SEMA6D: variants seen among roughly 807,000 people sequenced by gnomAD.
SEMA6D encodes semaphorin 6D.
Under a neutral mutation model 106.6 loss-of-function variants are expected in SEMA6D, and 35 were observed. The ratio of observed to expected loss-of-function variants is 0.33; its 90% confidence interval spans 0.25 to 0.44. The LOEUF (loss-of-function observed/expected upper bound fraction) is 0.44, where lower values mean the gene tolerates loss of function less well. Ranked by LOEUF, SEMA6D falls within the 20% of genes least tolerant of loss-of-function variation. The pLI, the probability that SEMA6D is intolerant of heterozygous loss-of-function variation, is 1.00. For missense variants in SEMA6D, 1,185 were observed against 1,345.9 expected (o/e 0.88, Z 1.87); for synonymous variants, 499 against 487.7 (o/e 1.02, Z -0.31).
intron 1 of SEMA6D, among the ~76,000 whole-genome samples, chr15:47,754,547 A>G (rs889277627): frequency 3.3e-5 from 5 of 152,160 alleles, no homozygotes; most frequent in African/African-American, 1.2e-4. Context: ...AAGGTAATGT[A>G]TCTTAGTGTG....
chr15:47,409,011 A>G (rs2040693162), intron 1 of SEMA6D, among the ~76,000 whole-genome samples: 1 of 152,228 alleles, frequency 6.6e-6, no homozygotes, highest in South Asian at 2.1e-4. Flanking sequence ...TAAATAGATT[A>G]GTATCACTGA....
chr15:47,324,558 A>G (rs1029670595), intron 1 of SEMA6D, among the ~76,000 whole-genome samples: 1 of 152,016 alleles, frequency 6.6e-6, no homozygotes, highest in African/African-American at 2.4e-5. Flanking sequence ...GCAACAATTT[A>G]TTTAACAATG....
chr15:47,654,708 C>T (rs28453798), intron 4 of SEMA6D, among the ~76,000 whole-genome samples: 5,185 of 152,240 alleles, frequency 0.034, 289 homozygotes, highest in African/African-American at 0.12. Flanking sequence ...CTGTGCGGCT[C>T]CTCCCCCCAC....
At chr15:47,283,683 C>T (rs999559550) in intron 1 of SEMA6D, among the ~76,000 whole-genome samples, 15 of 152,090 alleles carry the variant, frequency 9.9e-5, no homozygotes, top group Non-Finnish European at 1.6e-4. Flanking sequence ...GAGAAATGTC[C>T]AGCTGGAGAC....
chr15:47,300,854 G>C (rs1365227410), intron 1 of SEMA6D, among the ~76,000 whole-genome samples: 1 of 152,208 alleles, frequency 6.6e-6, no homozygotes, highest in Non-Finnish European at 1.5e-5. Context: ...CTCAGTCCAT[G>C]ATGCTGCATC....
chr15:47,239,872 T>C (rs1416612239), intron 1 of SEMA6D, among the ~76,000 whole-genome samples: 1 of 152,214 alleles, frequency 6.6e-6, no homozygotes, highest in Non-Finnish European at 1.5e-5. Context: ...TAATTTGTAT[T>C]GTTGTTGTTA....
At chr15:47,496,467 T>G (rs2043661434) in intron 3 of SEMA6D, among the ~76,000 whole-genome samples, 1 of 152,006 alleles carries the variant, frequency 6.6e-6, no homozygotes, top group Non-Finnish European at 1.5e-5. Flanking sequence ...CTCACCCTCC[T>G]CCCTACATTT....
chr15:47,252,130 G>A (rs923902819), intron 1 of SEMA6D, among the ~76,000 whole-genome samples: 6 of 145,270 alleles, frequency 4.1e-5, no homozygotes, highest in African/African-American at 1.6e-4. Context: ...TGTTAGCCAG[G>A]ATGGTCTCGA....
intron 3 of SEMA6D, among the ~76,000 whole-genome samples, chr15:47,539,048 G>C (rs780919750): frequency 6.6e-6 from 1 of 152,170 alleles, no homozygotes; most frequent in Non-Finnish European, 1.5e-5. Flanking sequence ...TGTGACTTAA[G>C]CTTCAGGGAA....
chr15:47,212,355 C>A (rs541629984), intron 1 of SEMA6D, among the ~76,000 whole-genome samples: 2 of 152,298 alleles, frequency 1.3e-5, no homozygotes, highest in South Asian at 4.1e-4. Context: ...AATTTCACTT[C>A]AGACAGTAAG....
rs564437769 is a variant in SEMA6D at position 47,586,949 on chromosome 15, G to C, written c.-86-13916G>C. 2.1e-5 allele frequency among the ~76,000 whole-genome samples: 3 copies of C among 140,896 alleles called. No homozygotes were observed. The South Asian group carries it at 6.9e-4, about 32-fold the overall frequency. The allele number at this position is 140,896 out of a possible 152,430, so 92.4% of individuals were successfully genotyped here. ...TTTGTCTTCAGCTCTCTTCTCCCCAGGGTGTTTCCAGTGGGCTGGGAAGGC... is the reference window on the plus strand; with the variant it reads ...TTTGTCTTCAGCTCTCTTCTCCCCACGGTGTTTCCAGTGGGCTGGGAAGGC... On this transcript the variant is annotated intron_variant, in intron 3 of 19. Coordinates refer to the SEMA6D transcript ENST00000558014.
At chr15:47,620,940 G>A (rs949130867) in intron 4 of SEMA6D, among the ~76,000 whole-genome samples, 9 of 151,832 alleles carry the variant, frequency 5.9e-5, no homozygotes, top group African/African-American at 1.9e-4. Context: ...TTGACAGCAC[G>A]GAATCCTGCC....
At position 47,365,890 on chromosome 15, in the gene SEMA6D, GGAGA is replaced by G. The variant is rs201368884; in HGVS notation, c.-238-46472_-238-46469del. ...AAAGAAAGAAAGAGAGAGAGAGAGA[GGAGA>G]GAGAGAGAGAGAGAGAGAGAGAGAG... is the stretch of plus-strand genomic sequence containing the variant. On this transcript the variant is annotated intron_variant, in intron 1 of 19. Transcript: ENST00000558014. Among the ~76,000 whole-genome samples the G allele has an allele frequency of 6.3e-3, 749 of 119,784 alleles. 11 individuals carry two copies. Among genetic ancestry groups the G allele is most frequent in the African/African-American group, 0.021 (570 of 27,292 alleles). The allele number at this position is 119,784 out of a possible 152,430, so 78.6% of individuals were successfully genotyped here. A position where few individuals can be genotyped will look rare whatever the true frequency, so the allele number is the denominator to read the frequency against.
At chr15:47,355,407 G>T (rs749003568) in intron 1 of SEMA6D, among the ~76,000 whole-genome samples, 1 of 152,090 alleles carries the variant, frequency 6.6e-6, no homozygotes, top group African/African-American at 2.4e-5. Flanking sequence ...TATTTATAAT[G>T]ATGGTGCCTA....
At chr15:47,681,245 T>A (rs750182372) in intron 4 of SEMA6D, among the ~76,000 whole-genome samples, 4 of 152,212 alleles carry the variant, frequency 2.6e-5, no homozygotes, top group Admixed American at 6.5e-5. Flanking sequence ...AGTATGTACA[T>A]ACATTGAGAT....
intron 3 of SEMA6D, among the ~76,000 whole-genome samples, chr15:47,506,153 C>T (rs548802174): frequency 5.9e-5 from 9 of 152,116 alleles, no homozygotes; most frequent in African/African-American, 1.9e-4. Context: ...TATAACCCTT[C>T]GCTGCTACAA....
At chr15:47,258,825 CCTGA>C (rs1056326936) in intron 1 of SEMA6D, among the ~76,000 whole-genome samples, 15 of 152,008 alleles carry the variant, frequency 9.9e-5, no homozygotes, top group Non-Finnish European at 1.8e-4. Context: ...TCTGGGGACT[CCTGA>C]CTAATATATA....
intron 1 of SEMA6D, among the ~76,000 whole-genome samples, chr15:47,333,930 G>C (rs1283032804): frequency 6.6e-6 from 1 of 152,146 alleles, no homozygotes; most frequent in Non-Finnish European, 1.5e-5. Context: ...AATCTAATCT[G>C]ATTGTGGGTC....
At chr15:47,474,790 C>T (rs2042957907) in intron 3 of SEMA6D, among the ~76,000 whole-genome samples, 1 of 152,222 alleles carries the variant, frequency 6.6e-6, no homozygotes. Context: ...AGACAGGACA[C>T]TGTGACCAAC....
Sources: gnomAD v4.1 joint callset for allele counts (sites outside exome capture counted in the v4.1 genomes callset) on GRCh38, gnomAD v4.1.1 for gene constraint, MANE v1.5 for transcripts, NCBI Gene and HGNC (gene_info 2026-07-23, HGNC 2026-07-21) for gene names.